DIP2A: variants seen among roughly 807,000 people sequenced by gnomAD.
The protein encoded by DIP2A is DIP2 acetate--CoA ligase A.
A neutral mutation model predicts 177.4 loss-of-function variants in DIP2A; 85 were observed. The ratio of observed to expected loss-of-function variants is 0.48; its 90% CI spans 0.40 to 0.57. DIP2A has a LOEUF of 0.57. Ranked by LOEUF, DIP2A falls within the 20% of genes least tolerant of loss-of-function variation. The pLI, the probability that DIP2A is intolerant of heterozygous loss-of-function variation, is 0.00. For synonymous variants in DIP2A, 886 were observed against 881.8 expected, an observed-to-expected ratio of 1.00 and a Z score of -0.08; for missense variants, 1,791 against 2,100.2, an observed-to-expected ratio of 0.85 and a Z score of 2.88.
chr21:46,465,888 T>C (rs577609684), intron 1 of DIP2A, among the ~76,000 whole-genome samples: 4 of 152,236 alleles, frequency 2.6e-5, no homozygotes, highest in Admixed American at 6.5e-5. Context: ...TAGCTGCTTT[T>C]ATTGTGAAAT....
chr21:46,572,118 A>G (rs2060973322), downstream of DIP2A, among the ~76,000 whole-genome samples: 2 of 152,198 alleles, frequency 1.3e-5, no homozygotes, highest in Admixed American at 1.3e-4. Context: ...TTAATAATAA[A>G]GTTTATAATG....
In DIP2A at chr21:46,537,092, T is replaced by C. The variant is rs1228224380; in HGVS notation, c.1643-132T>C. 1.2e-6 allele frequency: 1 copy of C among 820,250 alleles called. No individual in the cohort carries two copies. The highest frequency in any genetic ancestry group is 1.4e-5 in the South Asian group (1 of 69,410). The allele number at this position is 820,250 out of a possible 1,614,324, so 50.8% of individuals were successfully genotyped here. ...AGGATTATTATTAATTGGTATGTGG[T>C]ATTTGGAAATGCTGTATCTGTTCCT... On this transcript the variant is annotated intron_variant, in intron 13 of 37. Coordinates refer to ENST00000417564, the MANE Select transcript of DIP2A (RefSeq NM_015151.4). The surrounding 1 kb of genome is among the most constrained non-coding windows in gnomAD (Gnocchi z 4.1).
intron 18 of DIP2A, among the ~76,000 whole-genome samples, chr21:46,543,540 C>A (rs1478232512): frequency 8.4e-5 from 1 of 11,972 alleles, no homozygotes; most frequent in African/African-American, 6.4e-4. Context: ...GCGTGCAAAG[C>A]GCTCCCCCAG....
At chr21:46,481,861 G>T (rs1420555042) in intron 1 of DIP2A, among the ~76,000 whole-genome samples, 2 of 152,106 alleles carry the variant, frequency 1.3e-5, no homozygotes, top group African/African-American at 4.8e-5. Context: ...GACCAGCCTG[G>T]CTAACATGGT....
rs2060899096 is a variant in DIP2A at position 46,568,640 on chromosome 21, T to G, written c.*1018T>G. The G allele has an allele frequency of 6.6e-6, 1 of 152,232 alleles. No homozygotes were observed. The highest frequency in any genetic ancestry group is 2.4e-5 in the African/African-American group (1 of 41,458). The allele number at this position is 152,232 out of a possible 1,614,324, so 9.4% of individuals were successfully genotyped here. On this transcript the variant is annotated 3_prime_UTR_variant, in exon 38 of 38. Coordinates refer to ENST00000417564, the MANE Select transcript of DIP2A (RefSeq NM_015151.4). ...TCAGAAAGATAAGCCAGCATTTAGT[T>G]TTAAATCACTTTCCTGGTTTGTAAC...
At chr21:46,518,810 T>C (rs2058696917) in intron 8 of DIP2A, among the ~76,000 whole-genome samples, 1 of 152,204 alleles carries the variant, frequency 6.6e-6, no homozygotes, top group Non-Finnish European at 1.5e-5. Context: ...TGAGCCAAGA[T>C]TGCACCGCTG....
chr21:46,551,985 G>C, intron 25 of DIP2A, 81 bp downstream of exon 25: 5 of 1,451,540 alleles, frequency 3.4e-6, no homozygotes, highest in Non-Finnish European at 3.7e-6. Context: ...CATGGTGCCA[G>C]TGTCCTGGTT....
intron 15 of DIP2A, 79 bp from the exon 16 acceptor site, chr21:46,538,404 T>G: frequency 2.0e-4 from 302 of 1,486,632 alleles, no homozygotes; most frequent in Non-Finnish European, 2.5e-4. Flanking sequence ...CTCTGTGGGA[T>G]GAGGTACACG....
At chr21:46,483,863 AAT>A (rs1757985347) in intron 1 of DIP2A, among the ~76,000 whole-genome samples, 1 of 152,224 alleles carries the variant, frequency 6.6e-6, no homozygotes, top group Admixed American at 6.5e-5. Context: ...TGAGAATTGT[AAT>A]ATGTATTTCT....
intron 9 of DIP2A, among the ~76,000 whole-genome samples, chr21:46,531,685 C>T (rs1170683702): frequency 6.6e-6 from 1 of 152,172 alleles, no homozygotes; most frequent in African/African-American, 2.4e-5. Flanking sequence ...TAATATTACA[C>T]TTTATAAAAG....
Position 46,556,861 on chromosome 21 carries a change from A to G in DIP2A, c.3499-78A>G. The G allele has an allele frequency of 4.6e-6, 6 of 1,306,572 alleles. No homozygotes were observed. Among genetic ancestry groups the G allele is most frequent in the Admixed American group, 2.3e-5 (1 of 44,062 alleles). The allele number at this position is 1,306,572 out of a possible 1,614,324, so 80.9% of individuals were successfully genotyped here. A position where few individuals can be genotyped will look rare whatever the true frequency, so the allele number is the denominator to read the frequency against. On this transcript the variant is annotated intron_variant, in intron 29 of 37. Transcript: ENST00000417564. This position sits in a 1 kb window ranked among gnomAD's most constrained non-coding sequence, Gnocchi z 4.5. ...GGAGCTATGGTCTAGCCATGTGAAC[A>G]GCGGACACTGCCATCCACCCTCTCC...
In DIP2A at chr21:46,557,625, G is replaced by C; in HGVS notation, c.3670G>C (p.Glu1224Gln). Residue 1224 changes from glutamate to glutamine, a missense_variant, in exon 31 of 38, where the codon GAG (glutamate) becomes CAG (glutamine). Coordinates refer to ENST00000417564, the MANE Select transcript of DIP2A (RefSeq NM_015151.4). The surrounding 1 kb of genome is among the most constrained non-coding windows in gnomAD (Gnocchi z 6.0). ...GHQSVLVPPL[E>Q]LESNVSLWLS... Reference sequence around the variant, plus strand: ...CCAATCAGTGCTGGTGCCCCCGCTGGAGCTGGAGAGCAACGTGTCCCTGTG... The same window carrying C: ...CCAATCAGTGCTGGTGCCCCCGCTGCAGCTGGAGAGCAACGTGTCCCTGTG... 1 of 1,613,402 alleles carries C rather than the reference G, an allele frequency of 6.2e-7. No individual in the cohort carries two copies. The highest frequency in any genetic ancestry group is 8.5e-7 in the Non-Finnish European group (1 of 1,179,798).
intron 8 of DIP2A, among the ~76,000 whole-genome samples, chr21:46,516,141 A>C (rs2058563323): frequency 6.6e-6 from 1 of 152,128 alleles, no homozygotes; most frequent in Non-Finnish European, 1.5e-5. Flanking sequence ...TGTTCTTTTT[A>C]TTTGAATTGC....
intron 1 of DIP2A, among the ~76,000 whole-genome samples, chr21:46,483,923 G>C (rs1279098861): frequency 6.6e-6 from 1 of 152,164 alleles, no homozygotes; most frequent in Non-Finnish European, 1.5e-5. Flanking sequence ...AGAACTTCCA[G>C]GTATGTGTAG....
intron 5 of DIP2A, among the ~76,000 whole-genome samples, chr21:46,503,561 TGAGGGAA>T (rs2057776840): frequency 1.3e-5 from 2 of 150,890 alleles, no homozygotes; most frequent in South Asian, 4.8e-4. Flanking sequence ...TCTGCTTCCT[TGAGGGAA>T]TTTCTTCCTT....
chr21:46,554,786 G>GGGGGGGGGGGGGGCGCC, intron 27 of DIP2A, 36 bp from the exon 28 acceptor site: 1 of 1,519,122 alleles, frequency 6.6e-7, no homozygotes, highest in Non-Finnish European at 8.8e-7. Context: ...AGCTTGAGAG[G>GGGGGGGGGGGGGGCGCC]CCCCGCCCAC....
intron 6 of DIP2A, among the ~76,000 whole-genome samples, chr21:46,506,933 T>A (rs2058046001): frequency 6.6e-6 from 1 of 151,474 alleles, no homozygotes; most frequent in Non-Finnish European, 1.5e-5. Context: ...CGTGAGTAGC[T>A]GGGATTACAG....
intron 8 of DIP2A, among the ~76,000 whole-genome samples, 189 bp from the exon 9 acceptor site, chr21:46,528,903 G>A (rs1209337310): frequency 6.6e-6 from 1 of 152,008 alleles, no homozygotes; most frequent in Non-Finnish European, 1.5e-5. Context: ...AAATAAATCT[G>A]TAAGCTATTT....
intron 3 of DIP2A, among the ~76,000 whole-genome samples, chr21:46,495,835 A>C (rs1311438115): frequency 2.0e-5 from 3 of 151,986 alleles, no homozygotes; most frequent in African/African-American, 7.2e-5. Context: ...GCACTTACAG[A>C]GGCCAAGGCG....
Sources: gnomAD v4.1 joint callset for allele counts (sites outside exome capture counted in the v4.1 genomes callset) on GRCh38, gnomAD v4.1.1 for gene constraint, Gnocchi (gnomAD v3.1) non-coding constraint, MANE v1.5 for transcripts, NCBI Gene and HGNC (gene_info 2026-07-23, HGNC 2026-07-21) for gene names.